Variants in LYPLAL1 observed in about 807,000 individuals in gnomAD.
LYPLAL1 encodes the protein lysophospholipase-like protein 1.
In LYPLAL1, 23 loss-of-function variants were observed where a neutral mutation model predicts 19.7. The observed-to-expected ratio is 1.17, with a 90% confidence interval of 0.84 to 1.65. LYPLAL1 has a LOEUF of 1.65. Ranked by LOEUF, LYPLAL1 falls within the 40% of genes most tolerant of loss-of-function variation. The probability of loss-of-function intolerance (pLI) is 0.00; values close to 1 mark genes in which losing one functional copy is unlikely to be tolerated. For missense variants in LYPLAL1, 355 were observed against 279.4 expected, an observed-to-expected ratio of 1.27 and a Z score of -1.93; for synonymous variants, 119 against 96.3, an observed-to-expected ratio of 1.24 and a Z score of -1.38.
At chr1:219,213,832 C>A (rs1321770415), downstream of LYPLAL1, among the ~76,000 whole-genome samples, 1 of 152,022 alleles carries the variant, frequency 6.6e-6, no homozygotes, top group African/African-American at 2.4e-5. Flanking sequence ...ATTATGTCAT[C>A]CACAAACTGA....
At chr1:219,375,334 C>A in the LYPLAL1 span, among the ~76,000 whole-genome samples, 4 of 151,636 alleles carry the variant, frequency 2.6e-5, no homozygotes, top group South Asian at 2.1e-4. Context: ...GGCGTGGTGG[C>A]GCATGCCTGC....
At chr1:219,333,425 G>T in the LYPLAL1 span, among the ~76,000 whole-genome samples, 1 of 151,932 alleles carries the variant, frequency 6.6e-6, no homozygotes, top group African/African-American at 2.4e-5. Context: ...ATACATGGCA[G>T]CACTTAGAAG....
the LYPLAL1 span, among the ~76,000 whole-genome samples, chr1:219,320,379 ACTT>A: frequency 6.8e-4 from 104 of 152,124 alleles, no homozygotes; most frequent in South Asian, 1.7e-3. Flanking sequence ...CAGCAATCCA[ACTT>A]CTTCTTGATC....
At chr1:219,328,572 C>T in the LYPLAL1 span, among the ~76,000 whole-genome samples, 3 of 152,136 alleles carry the variant, frequency 2.0e-5, no homozygotes, top group Non-Finnish European at 4.4e-5. Context: ...ATATCTCACA[C>T]ATTTTCTTTG....
the LYPLAL1 span, among the ~76,000 whole-genome samples, chr1:219,362,908 C>G: frequency 6.6e-6 from 1 of 151,766 alleles, no homozygotes; most frequent in Non-Finnish European, 1.5e-5. Context: ...ATTGTGATTG[C>G]TCAGGCATGA....
the LYPLAL1 span, among the ~76,000 whole-genome samples, chr1:219,247,804 G>A: frequency 1.1e-3 from 175 of 152,196 alleles, 1 homozygote; most frequent in South Asian, 1.0e-2. Flanking sequence ...AATGACCCAT[G>A]TTAGACTTTT....
At chr1:219,385,507 G>C in the LYPLAL1 span, among the ~76,000 whole-genome samples, 1 of 150,904 alleles carries the variant, frequency 6.6e-6, no homozygotes, top group African/African-American at 2.4e-5. Context: ...GTTATAGCAC[G>C]AGTCCTCATT....
At chr1:219,308,067 GGT>G in the LYPLAL1 span, among the ~76,000 whole-genome samples, 1 of 152,228 alleles carries the variant, frequency 6.6e-6, no homozygotes, top group Non-Finnish European at 1.5e-5. Context: ...TCCAGGCTGA[GGT>G]GGTCTCAGAT....
chr1:219,211,706 G>A lies in LYPLAL1; in HGVS notation c.692G>A (p.Gly231Glu), dbSNP rs1209247537. 1.2e-6 allele frequency: 2 copies of A among 1,605,592 alleles called. No individual in the cohort carries two copies. The highest frequency in any genetic ancestry group is 3.4e-5 in the Admixed American group (2 of 58,512). ...TTATGGATTCTTACAAAGCTGCCAGGAGAAATGGAAAAACAAAAATGAATG... is the reference window on the plus strand; with the variant it reads ...TTATGGATTCTTACAAAGCTGCCAGAAGAAATGGAAAAACAAAAATGAATG... ...LKLWILTKLP[G>E]EMEKQK The change falls in exon 5 of 5, where the codon GGA becomes GAA. Residue 231 changes from glycine (G) to glutamate (E), a missense_variant. Gly to Glu is a moderately conservative substitution (Grantham distance 98, BLOSUM62 -2). Transcript: ENST00000366928.
At chr1:219,372,608 A>T in the LYPLAL1 span, among the ~76,000 whole-genome samples, 2 of 152,122 alleles carry the variant, frequency 1.3e-5, no homozygotes, top group Non-Finnish European at 2.9e-5. Flanking sequence ...ATATAAAATG[A>T]TAAAAATTGG....
At chr1:219,348,956 C>G in the LYPLAL1 span, among the ~76,000 whole-genome samples, 1 of 152,190 alleles carries the variant, frequency 6.6e-6, no homozygotes, top group African/African-American at 2.4e-5. Context: ...ATCACCATCT[C>G]AGCTATTATA....
the LYPLAL1 span, among the ~76,000 whole-genome samples, chr1:219,355,944 G>T: frequency 6.6e-6 from 1 of 152,230 alleles, no homozygotes; most frequent in Middle Eastern, 3.4e-3. Context: ...CAATGCTGAA[G>T]TAGAGCTTAG....
At chr1:219,275,806 A>T in the LYPLAL1 span, among the ~76,000 whole-genome samples, 1 of 152,150 alleles carries the variant, frequency 6.6e-6, no homozygotes, top group Non-Finnish European at 1.5e-5. Flanking sequence ...TATTAAACTC[A>T]TCTTAAGGCT....
At position 219,173,903 on chromosome 1, in the gene LYPLAL1, T is replaced by A; in HGVS notation, c.13T>A (p.Ser5Thr). Residue 5 changes from serine to threonine, a missense_variant, in exon 1 of 5, where the codon TCG becomes ACG. Ser to Thr is a moderately conservative substitution (Grantham distance 58). Transcript: ENST00000366928. MAAASGSVLQRCIVS... is the reference protein window; with the variant it reads MAAATGSVLQRCIVS... ...AGTGGCATCAGCGATGGCGGCTGCG[T>A]CGGGGTCGGTTCTGCAGCGCTGTAT... The A allele has an allele frequency of 6.2e-7, 1 of 1,613,164 alleles. No homozygotes were observed. Among genetic ancestry groups the A allele is most frequent in the Non-Finnish European group, 8.5e-7 (1 of 1,179,936 alleles).
chr1:219,235,810 C>G, the LYPLAL1 span, among the ~76,000 whole-genome samples: 1 of 152,164 alleles, frequency 6.6e-6, no homozygotes, highest in Admixed American at 6.5e-5. Flanking sequence ...TGTCTACCTT[C>G]AGTGCATTTT....
the LYPLAL1 span, among the ~76,000 whole-genome samples, chr1:219,402,054 A>G: frequency 9.9e-5 from 15 of 152,168 alleles, no homozygotes; most frequent in African/African-American, 3.4e-4. Context: ...TTCTTGGACA[A>G]TTCATCATAT....
chr1:219,230,079 A>T, the LYPLAL1 span, among the ~76,000 whole-genome samples: 2 of 152,196 alleles, frequency 1.3e-5, no homozygotes, highest in Non-Finnish European at 2.9e-5. Flanking sequence ...AACCTGAGTT[A>T]CTTTCACTAT....
the LYPLAL1 span, among the ~76,000 whole-genome samples, chr1:219,405,205 C>T: frequency 5.0e-4 from 76 of 152,246 alleles, no homozygotes; most frequent in African/African-American, 1.8e-3. Flanking sequence ...GCATTAACAG[C>T]ATAAGTCTGC....
the LYPLAL1 span, among the ~76,000 whole-genome samples, chr1:219,303,386 G>A: frequency 4.5e-4 from 69 of 152,312 alleles, no homozygotes; most frequent in African/African-American, 1.6e-3. Flanking sequence ...TGACTACTCT[G>A]AGGGAAATAA....
Sources: gnomAD v4.1 joint callset for allele counts (sites outside exome capture counted in the v4.1 genomes callset) on GRCh38, gnomAD v4.1.1 for gene constraint, MANE v1.5 for transcripts, NCBI Gene and HGNC (gene_info 2026-07-23, HGNC 2026-07-21) for gene names.